PHACTR1: variants seen among roughly 807,000 people sequenced by gnomAD.
PHACTR1 encodes phosphatase and actin regulator 1, also known as RPEL repeat containing 1.
PHACTR1 carries 16 observed loss-of-function variants against 69.2 expected under a neutral mutation model. The observed-to-expected ratio is 0.23, with a 90% CI of 0.16 to 0.35. The LOEUF (loss-of-function observed/expected upper bound fraction) is 0.35, where lower values mean the gene tolerates loss of function less well. Among genes scored for constraint, PHACTR1 ranks in the 10% least tolerant of loss-of-function variants. PHACTR1 has a pLI of 1.00. For synonymous variants in PHACTR1, 312 were observed against 284.5 expected (o/e 1.10, Z -0.97); for missense variants, 510 against 734.7 (o/e 0.69, Z 3.54).
rs535083057 is a variant in PHACTR1 at position 13,003,444 on chromosome 6, T to C, written c.251-49921T>C. Among the ~76,000 whole-genome samples the C allele has an allele frequency of 8.4e-4, 128 of 152,216 alleles. No homozygotes were observed. The Middle Eastern group carries it at 0.01, about 12-fold the overall frequency. ...ATTTGTTTCAGTACTTTAAAAATAA[T>C]CTATAAATTGAAAAGATAGATTTAC... On this transcript the variant is annotated intron_variant, in intron 4 of 14. Coordinates refer to ENST00000332995, the MANE Select transcript of PHACTR1 (RefSeq NM_030948.6).
chr6:13,073,751 G>C (rs1003733305), intron 5 of PHACTR1, among the ~76,000 whole-genome samples: 1 of 152,104 alleles, frequency 6.6e-6, no homozygotes, highest in Non-Finnish European at 1.5e-5. Flanking sequence ...AAGTGACATA[G>C]ATGGGACCAG....
intron 4 of PHACTR1, among the ~76,000 whole-genome samples, chr6:12,827,673 T>C (rs780746291): frequency 2.0e-5 from 3 of 152,194 alleles, no homozygotes; most frequent in Non-Finnish European, 4.4e-5. Context: ...TTATGACAGA[T>C]ATTCTTGGAG....
chr6:12,989,032 A>G (rs978659928), intron 4 of PHACTR1, among the ~76,000 whole-genome samples: 1 of 152,396 alleles, frequency 6.6e-6, no homozygotes, highest in African/African-American at 2.4e-5. Flanking sequence ...CAAAGATTCA[A>G]GAAGGAAATT....
At chr6:13,185,311 C>T (rs551323029) in intron 7 of PHACTR1, among the ~76,000 whole-genome samples, 70 of 152,244 alleles carry the variant, frequency 4.6e-4, no homozygotes, top group African/African-American at 1.6e-3. Flanking sequence ...TAGGTGAAAT[C>T]GATTCAATGT....
intron 5 of PHACTR1, among the ~76,000 whole-genome samples, chr6:13,130,605 T>C (rs1436586531): frequency 2.0e-5 from 3 of 151,964 alleles, no homozygotes; most frequent in African/African-American, 7.2e-5. Context: ...CCAGATTAAA[T>C]TAGAAAGAAA....
chr6:12,989,534 C>G (rs1176051776), intron 4 of PHACTR1, among the ~76,000 whole-genome samples: 2 of 152,178 alleles, frequency 1.3e-5, no homozygotes, highest in Non-Finnish European at 2.9e-5. Context: ...AAGCACCTCA[C>G]CCCTGCAACT....
At chr6:12,947,376 CT>C (rs2127549011) in intron 4 of PHACTR1, among the ~76,000 whole-genome samples, 1 of 150,186 alleles carries the variant, frequency 6.7e-6, no homozygotes, top group South Asian at 2.1e-4. Context: ...CAACAGTTGC[CT>C]CATGATTTTC....
intron 3 of PHACTR1, among the ~76,000 whole-genome samples, chr6:12,723,748 A>G (rs558327252): frequency 6.6e-6 from 1 of 152,116 alleles, no homozygotes; most frequent in South Asian, 2.1e-4. Flanking sequence ...CAGCCTCCCA[A>G]AATGCTGGGA....
At chr6:12,755,471 T>A (rs1767203165) in intron 4 of PHACTR1, among the ~76,000 whole-genome samples, 1 of 152,180 alleles carries the variant, frequency 6.6e-6, no homozygotes, top group African/African-American at 2.4e-5. Context: ...TTATAGATAG[T>A]CTTATTTGTT....
intron 5 of PHACTR1, among the ~76,000 whole-genome samples, chr6:13,148,111 T>C (rs1048498765): frequency 7.8e-6 from 1 of 128,842 alleles, no homozygotes; most frequent in Admixed American, 8.8e-5. Flanking sequence ...AACCATAGTA[T>C]ATGTGTTCTT....
chr6:12,734,526 G>T (rs1763990489), intron 3 of PHACTR1, among the ~76,000 whole-genome samples: 1 of 152,056 alleles, frequency 6.6e-6, no homozygotes, highest in Non-Finnish European at 1.5e-5. Context: ...TATGTCATTT[G>T]GACACAAACT....
intron 5 of PHACTR1, among the ~76,000 whole-genome samples, chr6:13,060,791 T>TC (rs1807563041): frequency 6.6e-6 from 1 of 151,716 alleles, no homozygotes; most frequent in East Asian, 1.9e-4. Context: ...GTGACTTTTT[T>TC]CATTGGCTTT....
intron 4 of PHACTR1, among the ~76,000 whole-genome samples, chr6:12,997,889 C>T (rs1797620418): frequency 6.6e-6 from 1 of 151,950 alleles, no homozygotes; most frequent in South Asian, 2.1e-4. Context: ...GGAGGCAGAG[C>T]TTGCAGTGAG....
intron 10 of PHACTR1, among the ~76,000 whole-genome samples, chr6:13,263,727 A>T (rs546304639): frequency 6.6e-6 from 1 of 152,232 alleles, no homozygotes; most frequent in Non-Finnish European, 1.5e-5. Flanking sequence ...GTTAGTTTTA[A>T]TCAGATACAA....
intron 5 of PHACTR1, among the ~76,000 whole-genome samples, chr6:13,068,442 T>C (rs1283828034): frequency 1.3e-5 from 2 of 152,250 alleles, no homozygotes; most frequent in African/African-American, 4.8e-5. Flanking sequence ...TATTTTTTCT[T>C]CTATACATGC....
At chr6:13,232,856 C>A (rs1006590319) in intron 10 of PHACTR1, among the ~76,000 whole-genome samples, 3 of 152,220 alleles carry the variant, frequency 2.0e-5, no homozygotes, top group Admixed American at 2.0e-4. Flanking sequence ...AGGAGCAGAT[C>A]TTTTATTATA....
intron 4 of PHACTR1, among the ~76,000 whole-genome samples, chr6:12,940,804 C>T (rs1245458374): frequency 6.6e-6 from 1 of 152,196 alleles, no homozygotes; most frequent in Non-Finnish European, 1.5e-5. Context: ...AATGTTTGAA[C>T]ACACTTGTCC....
intron 4 of PHACTR1, among the ~76,000 whole-genome samples, chr6:12,792,591 A>G (rs1448406492): frequency 2.6e-5 from 4 of 151,506 alleles, no homozygotes; most frequent in Non-Finnish European, 5.9e-5. Context: ...AATCATGCCC[A>G]TGCATTTCAA....
chr6:12,918,606 T>C (rs560110613), intron 4 of PHACTR1, among the ~76,000 whole-genome samples: 1 of 152,350 alleles, frequency 6.6e-6, no homozygotes, highest in Admixed American at 6.5e-5. Flanking sequence ...AAACATTCAT[T>C]AATTTGATGT....
Sources: gnomAD v4.1 joint callset for allele counts (sites outside exome capture counted in the v4.1 genomes callset) on GRCh38, gnomAD v4.1.1 for gene constraint, MANE v1.5 for transcripts, NCBI Gene and HGNC (gene_info 2026-07-23, HGNC 2026-07-21) for gene names.